Variants in LYRM9 observed in about 807,000 individuals in gnomAD.
LYRM9 encodes the protein LYR motif-containing protein 9.
Under a neutral mutation model 12.6 loss-of-function variants are expected in LYRM9, and 14 were observed. The observed-to-expected ratio is 1.11, with a 90% CI of 0.73 to 1.73. LYRM9 has a LOEUF of 1.73. LYRM9 is among the 40% of genes most tolerant of loss of function. LYRM9 has a pLI of 0.00. For synonymous variants in LYRM9, 42 were observed against 35.1 expected, an observed-to-expected ratio of 1.20 and a Z score of -0.69; for missense variants, 94 against 95.0, an observed-to-expected ratio of 0.99 and a Z score of 0.04.
At chr17:27,880,470 C>T (rs1440022988) in intron 2 of LYRM9, 104 bp from the exon 3 acceptor site, 6 of 728,432 alleles carry the variant, frequency 8.2e-6, no homozygotes, top group Non-Finnish European at 1.4e-5. Flanking sequence ...ACTTTATACC[C>T]AGCAGCTCTC....
rs201972458 is a variant in LYRM9, at chr17:27,882,639, T to G, written c.56A>C (p.Tyr19Ser). ...LVRRPLQLYR[Y>S]LLRCCQQLPT... ...CAGCTGCTGGCAACAGCGCAGCAAG[T>G]ATCGGTAGAGCTGCAGTGGCCTCCG... is the stretch of plus-strand genomic sequence containing the variant. Residue 19 changes from tyrosine to serine, a missense_variant, in exon 2 of 4, where the codon TAC becomes TCC. Transcript: ENST00000379102. 127 of 1,602,406 alleles carry G rather than the reference T, an allele frequency of 7.9e-5. No homozygotes were observed. Among genetic ancestry groups the G allele is most frequent in the Non-Finnish European group, 7.7e-5 (91 of 1,175,144 alleles).
chr17:27,883,165 A>C (rs1490146417), intron 1 of LYRM9: 3 of 370,328 alleles, frequency 8.1e-6, no homozygotes, highest in Admixed American at 6.7e-5. Flanking sequence ...AACCAGCAAA[A>C]CCCACAGCAT....
chr17:27,883,029 G>C (rs1197074645), intron 1 of LYRM9: 2 of 489,358 alleles, frequency 4.1e-6, no homozygotes, highest in Non-Finnish European at 8.4e-6. Context: ...TAGAAAAGCA[G>C]GAAGACCCTG....
rs1297003532 is a variant in LYRM9, at chr17:27,882,667, C to T, written c.28G>A (p.Val10Ile). 1 of 1,605,314 alleles carries T rather than the reference C, an allele frequency of 6.2e-7. No individual in the cohort carries two copies. Among genetic ancestry groups the T allele is most frequent in the Non-Finnish European group, 8.5e-7 (1 of 1,176,204 alleles). Residue 10 changes from valine (V) to isoleucine (I), a missense_variant, in exon 2 of 4, where the codon GTT becomes ATT. Coordinates refer to ENST00000379102, the MANE Select transcript of LYRM9 (RefSeq NM_001076680.3). ...CGGTAGAGCTGCAGTGGCCTCCGAA[C>T]CAGTTCTGCTCCTGGCAGCGGGGCC... is the stretch of plus-strand genomic sequence containing the variant. Reference protein sequence around the residue: MAPLPGAELVRRPLQLYRYL... With the variant: MAPLPGAELIRRPLQLYRYL...
rs1420198702 is a variant in LYRM9 at position 27,880,591 on chromosome 17, G to A, written c.127-225C>T. On this transcript the variant is annotated intron_variant, in intron 2 of 3. Transcript: ENST00000379102. Reference sequence around the variant, plus strand: ...CCTAGTCTATGTGACTGCAAAGCATGTACTCCTGCCACCAAGGTAGGTGCA... The same window carrying A: ...CCTAGTCTATGTGACTGCAAAGCATATACTCCTGCCACCAAGGTAGGTGCA... The A allele has an allele frequency of 2.8e-5, 16 of 568,392 alleles. No individual in the cohort carries two copies. The Admixed American group carries it at 5.0e-4, about 18-fold the overall frequency. 35.2% of individuals were successfully genotyped at this position (568,392 alleles called of 1,614,324 possible). A position where few individuals can be genotyped will look rare whatever the true frequency, so the allele number is the denominator to read the frequency against.
chr17:27,887,766 G>C (rs549399628), intron 1 of LYRM9, among the ~76,000 whole-genome samples: 54 of 151,944 alleles, frequency 3.6e-4, no homozygotes, highest in African/African-American at 1.3e-3. Context: ...GTGTCAGAGA[G>C]AGACAGAGGT....
intron 1 of LYRM9, among the ~76,000 whole-genome samples, chr17:27,883,479 G>A (rs373434644): frequency 4.0e-5 from 6 of 151,870 alleles, no homozygotes; most frequent in Admixed American, 6.6e-5. Context: ...GTGAAACCCC[G>A]TCTCTACTAA....
At chr17:27,884,365 G>A (rs1335672609) in intron 1 of LYRM9, among the ~76,000 whole-genome samples, 3 of 152,174 alleles carry the variant, frequency 2.0e-5, no homozygotes, top group Non-Finnish European at 2.9e-5. Context: ...CTGACACCAC[G>A]TGAGCTCTGG....
chr17:27,885,170 C>T (rs576389983), intron 1 of LYRM9, among the ~76,000 whole-genome samples: 65 of 152,314 alleles, frequency 4.3e-4, no homozygotes, highest in Non-Finnish European at 7.6e-4. Context: ...ACTATCAGAG[C>T]CCTGCATCCA....
At chr17:27,885,139 G>T (rs1297097787) in intron 1 of LYRM9, among the ~76,000 whole-genome samples, 1 of 152,158 alleles carries the variant, frequency 6.6e-6, no homozygotes, top group Non-Finnish European at 1.5e-5. Flanking sequence ...CCCAGGTCTT[G>T]GCCCAGAAGG....
chr17:27,888,996 C>G (rs1381628226), intron 1 of LYRM9, among the ~76,000 whole-genome samples: 1 of 152,204 alleles, frequency 6.6e-6, no homozygotes, highest in Non-Finnish European at 1.5e-5. Context: ...GTCAACTATC[C>G]CAGCCCCTCC....
chr17:27,882,527 C>A, intron 2 of LYRM9, 42 bp downstream of exon 2: 1 of 1,519,214 alleles, frequency 6.6e-7, no homozygotes, highest in Non-Finnish European at 8.8e-7. Context: ...CCTAAGCCTG[C>A]CATTAGAGGC....
chr17:27,892,468 A>G, intron 1 of LYRM9: 1 of 451,190 alleles, frequency 2.2e-6, no homozygotes, highest in South Asian at 1.6e-5. Flanking sequence ...TAAAGCCAGC[A>G]GGAAACTGTC....
intron 2 of LYRM9, chr17:27,881,258 A>G (rs1905044496): frequency 6.5e-6 from 1 of 154,290 alleles, no homozygotes; most frequent in Non-Finnish European, 1.4e-5. Flanking sequence ...AAAAAAAAAA[A>G]AAAAAAAGAA....
At position 27,880,276 on chromosome 17, in the gene LYRM9, T is replaced by C. The variant is rs1794795116; in HGVS notation, c.217A>G (p.Lys73Glu). ...GAGCCCAGGGGCCAAGCACCTACTT[T>C]GTTCATGATCCAGTCAGCATCTTCA... The part of the protein sequence containing the change: ...AIEDADWIMN[K>E]YKKQN Residue 73 changes from lysine to glutamate, a missense_variant and splice_region_variant, in exon 3 of 4, where the codon AAA becomes GAA. By Grantham distance (56) the Lys-to-Glu change is moderately conservative. Coordinates refer to ENST00000379102, the MANE Select transcript of LYRM9 (RefSeq NM_001076680.3). 4 of 1,606,306 alleles carry C rather than the reference T, an allele frequency of 2.5e-6. No homozygotes were observed. Among genetic ancestry groups the C allele is most frequent in the Admixed American group, 1.7e-5 (1 of 59,022 alleles).
intron 1 of LYRM9, among the ~76,000 whole-genome samples, chr17:27,888,981 TCA>T (rs1905329264): frequency 6.6e-6 from 1 of 152,200 alleles, no homozygotes; most frequent in Non-Finnish European, 1.5e-5. Context: ...TTTTCATTAT[TCA>T]CAGTCAACTA....
intron 1 of LYRM9, chr17:27,882,915 A>G (rs375536684): frequency 3.0e-6 from 2 of 667,904 alleles, no homozygotes; most frequent in Admixed American, 2.1e-5. Context: ...ACAAGACCAA[A>G]GGTGAGTGTG....
chr17:27,879,839 C>T, intron 3 of LYRM9: 1 of 562,742 alleles, frequency 1.8e-6, no homozygotes, highest in Non-Finnish European at 3.1e-6. Flanking sequence ...ATTCCTGACT[C>T]ACTCCCTTCC....
chr17:27,887,749 T>C (rs1257611150), intron 1 of LYRM9, among the ~76,000 whole-genome samples: 2 of 147,616 alleles, frequency 1.4e-5, no homozygotes, highest in Admixed American at 6.8e-5. Flanking sequence ...TGTGTGTGTG[T>C]GTGTGTGTGT....
Sources: allele counts gnomAD v4.1 joint callset (sites outside exome capture counted in the v4.1 genomes callset), GRCh38; gene constraint gnomAD v4.1.1; transcripts MANE v1.5; gene names NCBI Gene and HGNC (gene_info 2026-07-23, HGNC 2026-07-21).